RO60: variants seen among roughly 807,000 people sequenced by gnomAD.
The protein encoded by RO60 is RNA-binding protein RO60.
RO60 carries 20 observed loss-of-function variants against 55.3 expected under a neutral mutation model. The ratio of observed to expected loss-of-function variants is 0.36; its 90% CI spans 0.25 to 0.53. The LOEUF (loss-of-function observed/expected upper bound fraction) is 0.53, where lower values mean the gene tolerates loss of function less well. Among genes scored for constraint, RO60 ranks in the 20% least tolerant of loss-of-function variants. The pLI, the probability that RO60 is intolerant of heterozygous loss-of-function variation, is 0.92. For synonymous variants in RO60, 213 were observed against 213.6 expected, an observed-to-expected ratio of 1.00 and a Z score of 0.02; for missense variants, 558 against 646.6, an observed-to-expected ratio of 0.86 and a Z score of 1.49.
rs1338134824 is a variant in RO60, at chr1:193,059,761, C to T, written c.-37C>T. 3 of 1,355,728 alleles carry T rather than the reference C, an allele frequency of 2.2e-6. No individual in the cohort carries two copies. The highest frequency in any genetic ancestry group is 2.9e-6 in the Non-Finnish European group (3 of 1,017,148). The allele number at this position is 1,355,728 out of a possible 1,614,324, so 84.0% of individuals were successfully genotyped here. The stretch of plus-strand genomic sequence containing the variant: ...TGGCGGCGCTGCGGATCCAGGGGGT[C>T]GGCTGCCAGGTACAGGTGAGGACAT... On this transcript the variant is annotated 5_prime_UTR_variant, in exon 1 of 9. Transcript: ENST00000400968. The surrounding 1 kb of genome is among the most constrained non-coding windows in gnomAD (Gnocchi z 4.9).
intron 5 of RO60, among the ~76,000 whole-genome samples, chr1:193,077,564 C>T (rs1674011605): frequency 6.6e-6 from 1 of 152,166 alleles, no homozygotes; most frequent in African/African-American, 2.4e-5. Context: ...AACTCATTCA[C>T]TATCACAAGA....
In RO60 at chr1:193,090,989, T is replaced by C. The variant is rs1161719311; in HGVS notation, c.*6258T>C. 2.0e-5 allele frequency: 3 copies of C among 152,212 alleles called. No homozygotes were observed. Among genetic ancestry groups the C allele is most frequent in the African/African-American group, 4.8e-5 (2 of 41,472 alleles). 9.4% of individuals were successfully genotyped at this position (152,212 alleles called of 1,614,324 possible). A position where few individuals can be genotyped will look rare whatever the true frequency, so the allele number is the denominator to read the frequency against. On this transcript the variant is annotated 3_prime_UTR_variant, in exon 9 of 9. Transcript: ENST00000400968. ...AAAATCTAGATACAGTGATGTGTTA[T>C]ACATACATGACTGTTAACATCAGTA...
At position 193,075,828 on chromosome 1, in the gene RO60, A is replaced by G. The variant is rs200525528; in HGVS notation, c.589A>G (p.Ile197Val). 1.5e-4 allele frequency: 234 copies of G among 1,602,586 alleles called. No individual in the cohort carries two copies. Among genetic ancestry groups the G allele is most frequent in the Middle Eastern group, 3.3e-4 (2 of 5,972 alleles). Residue 197 changes from isoleucine (I) to valine (V), a missense_variant, in exon 3 of 9, where the codon ATT becomes GTT. Transcript: ENST00000400968. ...TCTTTATCTTGTTAAAGGACTTGCAATTGTGACCAAATATATTACAAAGGG... is the reference window on the plus strand; with the variant it reads ...TCTTTATCTTGTTAAAGGACTTGCAGTTGTGACCAAATATATTACAAAGGG... ...HLKPSSEGLA[I>V]VTKYITKGWK...
intron 1 of RO60, among the ~76,000 whole-genome samples, chr1:193,061,435 AG>A: frequency 6.6e-6 from 1 of 152,358 alleles, no homozygotes; most frequent in South Asian, 2.1e-4. Flanking sequence ...TTGAGATGAA[AG>A]GCAGCATTTT....
At position 193,084,860 on chromosome 1, in the gene RO60, C is replaced by A; in HGVS notation, c.*129C>A. The A allele has an allele frequency of 6.8e-7, 1 of 1,479,314 alleles. No homozygotes were observed. The highest frequency in any genetic ancestry group is 8.9e-7 in the Non-Finnish European group (1 of 1,120,366). 91.6% of individuals were successfully genotyped at this position (1,479,314 alleles called of 1,614,324 possible). A position where few individuals can be genotyped will look rare whatever the true frequency, so the allele number is the denominator to read the frequency against. On this transcript the variant is annotated 3_prime_UTR_variant, in exon 9 of 9. Coordinates refer to ENST00000400968, the MANE Select transcript of RO60 (RefSeq NM_001173524.2). ...TAGTATGTGCATAATGGAAAGTTAC[C>A]TTACTGAAAAAAAAAAAAGAAGGAA... is the stretch of plus-strand genomic sequence containing the variant.
chr1:193,065,213 A>G (rs185493754), intron 1 of RO60, among the ~76,000 whole-genome samples: 85 of 152,344 alleles, frequency 5.6e-4, no homozygotes, highest in Middle Eastern at 3.4e-3. Context: ...ATGTATTGCT[A>G]ATTACATAAA....
intron 1 of RO60, among the ~76,000 whole-genome samples, chr1:193,065,977 G>A (rs1558234556): frequency 6.6e-6 from 1 of 152,036 alleles, no homozygotes; most frequent in Non-Finnish European, 1.5e-5. Flanking sequence ...TCCCCTCTCT[G>A]AGACCCAGTC....
chr1:193,065,007 A>G (rs1673014196), intron 1 of RO60, among the ~76,000 whole-genome samples: 1 of 152,168 alleles, frequency 6.6e-6, no homozygotes, highest in African/African-American at 2.4e-5. Context: ...TTTCTTGATT[A>G]TATTTTTCAC....
chr1:193,066,051 AGG>A (rs1232571291), intron 1 of RO60, among the ~76,000 whole-genome samples: 2 of 152,060 alleles, frequency 1.3e-5, no homozygotes, highest in Non-Finnish European at 2.9e-5. Context: ...ATCTCCTGTC[AGG>A]GGGGAATGTC....
intron 8 of RO60, among the ~76,000 whole-genome samples, chr1:193,083,943 G>A (rs1674488817): frequency 1.3e-5 from 2 of 152,152 alleles, no homozygotes; most frequent in South Asian, 4.1e-4. Flanking sequence ...CTCTTACTCT[G>A]TGTGGACCTG....
rs775232023 is a variant in RO60, at chr1:193,059,784, C to A, written c.-22+8C>A. Reference sequence around the variant, plus strand: ...GTCGGCTGCCAGGTACAGGTGAGGACATTGCGGGAGGCCGGCTGGGAGCCT... The same window carrying A: ...GTCGGCTGCCAGGTACAGGTGAGGAAATTGCGGGAGGCCGGCTGGGAGCCT... On this transcript the variant is annotated splice_region_variant and intron_variant, in intron 1 of 8. Transcript: ENST00000400968. This position sits in a 1 kb window ranked among gnomAD's most constrained non-coding sequence, Gnocchi z 4.9. The A allele has an allele frequency of 1.5e-5, 20 of 1,356,796 alleles. No individual in the cohort carries two copies. In the South Asian group the frequency reaches 2.3e-4, roughly 16 times the overall value. 84.0% of individuals were successfully genotyped at this position (1,356,796 alleles called of 1,614,324 possible).
In RO60 at chr1:193,069,291, A is replaced by T; in HGVS notation, c.237A>T (p.Ser79=). ...GTGAAGTGATACAAGAAATAAAGTC[A>T]TTTAGTCAAGAAGGCAGAACCACAA... ...RGCEVIQEIK[S]FSQEGRTTKQ... Residue 79 remains serine, a synonymous_variant, in exon 2 of 9, where the codon TCA becomes TCT. Coordinates refer to ENST00000400968, the MANE Select transcript of RO60 (RefSeq NM_001173524.2). 6.2e-7 allele frequency: 1 copy of T among 1,614,216 alleles called. No homozygotes were observed. Among genetic ancestry groups the T allele is most frequent in the Admixed American group, 1.7e-5 (1 of 60,036 alleles).
At chr1:193,060,227 G>T in intron 1 of RO60, 1 of 699,764 alleles carries the variant, frequency 1.4e-6, no homozygotes, top group Non-Finnish European at 2.0e-6. Flanking sequence ...AGAAAGGTTT[G>T]TCCATGGGGC....
At chr1:193,070,423 C>T (rs1336431030) in intron 2 of RO60, 4 of 314,222 alleles carry the variant, frequency 1.3e-5, no homozygotes, top group East Asian at 8.1e-5. Flanking sequence ...TTAGTTGGCT[C>T]CGTAATAATT....
At chr1:193,082,071 A>G in intron 6 of RO60, 115 bp from the exon 7 acceptor site, 1 of 731,490 alleles carries the variant, frequency 1.4e-6, no homozygotes, top group Non-Finnish European at 2.4e-6. Context: ...AAACACACTA[A>G]TAAAAAGTTA....
chr1:193,060,031 C>T (rs751645989), intron 1 of RO60: 3 of 1,349,468 alleles, frequency 2.2e-6, no homozygotes, highest in Admixed American at 1.9e-5. Context: ...AAGCCGGGAC[C>T]GCTCCTGCTT....
rs1673341166 is a variant in RO60, at chr1:193,069,566, A to G, written c.512A>G (p.Tyr171Cys). Reference sequence around the variant, plus strand: ...GCCCTTGCTCTGGCAGTTACAAAATATAAACAGAGAAATGGCTGGTCTCAC... The same window carrying G: ...GCCCTTGCTCTGGCAGTTACAAAATGTAAACAGAGAAATGGCTGGTCTCAC... ...GMALALAVTK[Y>C]KQRNGWSHKD... The change falls in exon 2 of 9, where the codon TAT becomes TGT. Residue 171 changes from tyrosine (Y) to cysteine (C), a missense_variant. Tyr to Cys is a radical substitution (Grantham distance 194). Coordinates refer to ENST00000400968, the MANE Select transcript of RO60 (RefSeq NM_001173524.2). The G allele has an allele frequency of 6.2e-7, 1 of 1,614,116 alleles. No homozygotes were observed. The highest frequency in any genetic ancestry group is 1.3e-5 in the African/African-American group (1 of 74,944).
At chr1:193,070,109 A>G (rs1291760852) in intron 2 of RO60, among the ~76,000 whole-genome samples, 2 of 152,034 alleles carry the variant, frequency 1.3e-5, no homozygotes, top group East Asian at 3.8e-4. Context: ...ATGTATAGAA[A>G]ACTACTCTGT....
intron 1 of RO60, among the ~76,000 whole-genome samples, chr1:193,067,807 A>C (rs909060178): frequency 1.3e-5 from 2 of 152,194 alleles, no homozygotes; most frequent in African/African-American, 4.8e-5. Flanking sequence ...GGGTAGTTAC[A>C]GATGACATAA....
Sources: allele counts gnomAD v4.1 joint callset (sites outside exome capture counted in the v4.1 genomes callset), GRCh38; gene constraint gnomAD v4.1.1; non-coding constraint Gnocchi (gnomAD v3.1); transcripts MANE v1.5; gene names NCBI Gene and HGNC (gene_info 2026-07-23, HGNC 2026-07-21).